The following KCNH5 variants were observed in gnomAD, a reference collection of about 807,000 sequenced individuals.
KCNH5 encodes voltage-gated delayed rectifier potassium channel KCNH5.
In KCNH5, 46 loss-of-function variants were observed where a neutral mutation model predicts 96.1. That is an observed-to-expected ratio of 0.48 (90% confidence interval 0.38 to 0.61). KCNH5 has a LOEUF of 0.61. Ranked by LOEUF, KCNH5 falls within the 20% of genes least tolerant of loss-of-function variation. The pLI is 0.00. For synonymous variants in KCNH5, 439 were observed against 449.8 expected, an observed-to-expected ratio of 0.98 and a Z score of 0.30; for missense variants, 907 against 1,225.8, an observed-to-expected ratio of 0.74 and a Z score of 3.88.
intron 9 of KCNH5, among the ~76,000 whole-genome samples, chr14:62,786,305 T>C (rs951820300): frequency 1.3e-5 from 2 of 152,170 alleles, no homozygotes; most frequent in Non-Finnish European, 2.9e-5. Context: ...ACTTAGGTAG[T>C]TTTGTGTGAG....
intron 7 of KCNH5, among the ~76,000 whole-genome samples, chr14:62,855,036 CA>C (rs1887901941): frequency 6.6e-6 from 1 of 151,592 alleles, no homozygotes; most frequent in South Asian, 2.1e-4. Flanking sequence ...AGAGGCCTTA[CA>C]AAACTAGAAA....
intron 6 of KCNH5, among the ~76,000 whole-genome samples, chr14:62,970,106 CAA>C (rs1437611473): frequency 4.5e-5 from 5 of 110,832 alleles, no homozygotes; most frequent in Non-Finnish European, 9.6e-5. Context: ...GCTAACGAAA[CAA>C]GAGAGAGAGA....
chr14:62,891,210 G>C (rs1888703964), intron 7 of KCNH5, among the ~76,000 whole-genome samples: 1 of 152,150 alleles, frequency 6.6e-6, no homozygotes, highest in Admixed American at 6.5e-5. Flanking sequence ...CTACACCATG[G>C]AATATTATTC....
intron 8 of KCNH5, among the ~76,000 whole-genome samples, chr14:62,844,901 T>A (rs372852981): frequency 6.6e-5 from 10 of 152,180 alleles, no homozygotes; most frequent in Non-Finnish European, 1.3e-4. Flanking sequence ...GTGGAAATGA[T>A]AGAAGGAAAT....
chr14:63,002,957 A>G lies in KCNH5; in HGVS notation c.305-1498T>C, dbSNP rs78443505. On this transcript the variant is annotated intron_variant, in intron 3 of 10. Transcript: ENST00000322893. ...CTGTGAGTGATGTGCACGGTTTTAC[A>G]AATCACCAGACCCAGACGTTAGTGG... 3.5e-3 allele frequency among the ~76,000 whole-genome samples: 526 copies of G among 152,268 alleles called. 4 individuals carry two copies. Among genetic ancestry groups the G allele is most frequent in the African/African-American group, 0.012 (500 of 41,548 alleles).
At chr14:62,895,130 T>C (rs187549667) in intron 7 of KCNH5, among the ~76,000 whole-genome samples, 15 of 152,312 alleles carry the variant, frequency 9.8e-5, no homozygotes, top group Admixed American at 9.8e-4. Flanking sequence ...AAGCTTTGCA[T>C]ATGTGAGATG....
Position 63,001,371 on chromosome 14 carries a change from A to G in KCNH5, c.393T>C (p.Ile131=), listed in dbSNP as rs1380627447. Residue 131 remains isoleucine, a synonymous_variant, in exon 4 of 11, where the codon ATT becomes ATC. Transcript: ENST00000322893. ...CCTCTATTGGCTGTTTGAACAACGT[A>G]ATATCCTTGAAAGTACACAGGAACA... ...VVLFLCTFKD[I]TLFKQPIEDD... is the part of the protein sequence containing the mutation. 6.2e-7 allele frequency: 1 copy of G among 1,612,634 alleles called. No individual in the cohort carries two copies. The highest frequency in any genetic ancestry group is 8.5e-7 in the Non-Finnish European group (1 of 1,179,310).
intron 1 of KCNH5, among the ~76,000 whole-genome samples, chr14:63,040,620 A>C (rs1413234633): frequency 6.6e-6 from 1 of 152,166 alleles, no homozygotes; most frequent in African/African-American, 2.4e-5. Flanking sequence ...TAACAACAAC[A>C]ACCAAAATAA....
intron 8 of KCNH5, among the ~76,000 whole-genome samples, chr14:62,829,105 T>C (rs930962384): frequency 6.6e-6 from 1 of 152,150 alleles, no homozygotes; most frequent in Non-Finnish European, 1.5e-5. Context: ...ATCCAAGGCA[T>C]ACTGATGAAA....
chr14:63,003,527 A>ATATATAT lies in KCNH5; in HGVS notation c.305-2075_305-2069dup, dbSNP rs572942120. 1.3e-4 allele frequency among the ~76,000 whole-genome samples: 16 copies of ATATATAT among 122,990 alleles called. No homozygotes were observed. The East Asian group carries it at 3.1e-3, about 24-fold the overall frequency. 80.7% of individuals were successfully genotyped at this position (122,990 alleles called of 152,430 possible). A position where few individuals can be genotyped will look rare whatever the true frequency, so the allele number is the denominator to read the frequency against. The stretch of plus-strand genomic sequence containing the variant: ...ATTTTATATATATTTTATATATTTT[A>ATATATAT]TATATATTATATATTATATATAGTA... On this transcript the variant is annotated intron_variant, in intron 3 of 10. Transcript: ENST00000322893.
intron 8 of KCNH5, among the ~76,000 whole-genome samples, chr14:62,821,960 T>G (rs1887123607): frequency 6.6e-6 from 1 of 151,972 alleles, no homozygotes; most frequent in Non-Finnish European, 1.5e-5. Flanking sequence ...CAAAGAAATA[T>G]TCAAAAAGCT....
At chr14:62,765,178 T>C (rs183192817) in intron 10 of KCNH5, among the ~76,000 whole-genome samples, 5 of 152,260 alleles carry the variant, frequency 3.3e-5, no homozygotes, top group East Asian at 3.9e-4. Context: ...AATGGACACA[T>C]AGACCAATGG....
intron 9 of KCNH5, among the ~76,000 whole-genome samples, chr14:62,784,564 G>A (rs563756719): frequency 1.9e-4 from 29 of 152,068 alleles, no homozygotes; most frequent in African/African-American, 6.5e-4. Context: ...CATTTTCACC[G>A]ATGTCTTTCA....
At chr14:62,905,588 C>T (rs1889011635) in intron 7 of KCNH5, among the ~76,000 whole-genome samples, 1 of 152,168 alleles carries the variant, frequency 6.6e-6, no homozygotes, top group South Asian at 2.1e-4. Context: ...ATGGTTAGAA[C>T]ATTTCTCTGC....
intron 1 of KCNH5, among the ~76,000 whole-genome samples, chr14:63,031,445 T>C (rs929602070): frequency 7.2e-5 from 11 of 152,248 alleles, no homozygotes; most frequent in Admixed American, 7.2e-4. Context: ...ATGTGGGATG[T>C]TTCCTCCCTT....
intron 7 of KCNH5, among the ~76,000 whole-genome samples, chr14:62,924,992 G>A (rs908944828): frequency 1.3e-5 from 2 of 151,974 alleles, no homozygotes; most frequent in Admixed American, 6.6e-5. Flanking sequence ...TAACTGTGAG[G>A]TGGTGGATAT....
At chr14:62,775,750 T>C (rs1886081972) in intron 10 of KCNH5, among the ~76,000 whole-genome samples, 1 of 152,200 alleles carries the variant, frequency 6.6e-6, no homozygotes, top group Admixed American at 6.5e-5. Context: ...ATTTAACTTC[T>C]TCCAGTCCTC....
intron 6 of KCNH5, among the ~76,000 whole-genome samples, chr14:62,969,616 T>A (rs1204935336): frequency 2.0e-5 from 3 of 151,792 alleles, no homozygotes; most frequent in Non-Finnish European, 4.4e-5. Flanking sequence ...AGGGAGAGCA[T>A]CAAGAAGAAC....
intron 10 of KCNH5, among the ~76,000 whole-genome samples, chr14:62,724,523 A>C (rs1469485609): frequency 6.6e-6 from 1 of 152,194 alleles, no homozygotes; most frequent in Non-Finnish European, 1.5e-5. Flanking sequence ...CAGGTGTCAA[A>C]ATTTCCTTGC....
Sources: allele counts gnomAD v4.1 joint callset (sites outside exome capture counted in the v4.1 genomes callset), GRCh38; gene constraint gnomAD v4.1.1; transcripts MANE v1.5; gene names NCBI Gene and HGNC (gene_info 2026-07-23, HGNC 2026-07-21).